SDK1: variants seen among roughly 807,000 people sequenced by gnomAD.
The protein encoded by SDK1 is protein sidekick-1.
A neutral mutation model predicts 245.5 loss-of-function variants in SDK1; 157 were observed. The ratio of observed to expected loss-of-function variants is 0.64; its 90% confidence interval spans 0.56 to 0.73. The LOEUF (loss-of-function observed/expected upper bound fraction) is 0.73. Among genes scored for constraint, SDK1 ranks in the 30% least tolerant of loss-of-function variants. SDK1 has a pLI of 0.00. For missense variants in SDK1, 3,583 were observed against 3,002.3 expected (o/e 1.19, Z -4.52); for synonymous variants, 1,647 against 1,278.5 (o/e 1.29, Z -6.15).
At chr7:3,885,004 C>G (rs930602301) in intron 5 of SDK1, among the ~76,000 whole-genome samples, 4 of 152,132 alleles carry the variant, frequency 2.6e-5, no homozygotes, top group African/African-American at 9.7e-5. Context: ...TCCTTTCACC[C>G]TTGACCTCCT....
Position 4,110,642 on chromosome 7 carries a change from TCA to T in SDK1, c.3325-20_3325-19del. ...GTCCCTAAGGCATGTCCAGCCCATC[TCA>T]GTGTCTCCCTCTGCACAGGTGGGAG... is the stretch of plus-strand genomic sequence containing the variant. On this transcript the variant is annotated intron_variant, in intron 22 of 44. Transcript: ENST00000404826. 1 of 1,548,654 alleles carries T rather than the reference TCA, an allele frequency of 6.5e-7. No homozygotes were observed. Among genetic ancestry groups the T allele is most frequent in the Non-Finnish European group, 8.9e-7 (1 of 1,121,372 alleles).
chr7:4,234,381 T>C (rs994011168), intron 41 of SDK1, among the ~76,000 whole-genome samples: 2 of 151,528 alleles, frequency 1.3e-5, no homozygotes, highest in African/African-American at 4.9e-5. Flanking sequence ...AGAGCACCCG[T>C]GTTAGATGAC....
At chr7:3,478,727 A>G (rs1017032388) in intron 1 of SDK1, among the ~76,000 whole-genome samples, 2 of 151,746 alleles carry the variant, frequency 1.3e-5, no homozygotes, top group South Asian at 4.2e-4. Flanking sequence ...ATTCTACCTG[A>G]TTCATGTTTA....
chr7:3,659,250 T>C lies in SDK1; in HGVS notation c.713+17145T>C, dbSNP rs138838312. ...CTTCTTTCCTTGAATGTATGCTTCC[T>C]GAATGTCAGCTGCCCTGGTCGGTAC... On this transcript the variant is annotated intron_variant, in intron 4 of 44. Transcript: ENST00000404826. Among the ~76,000 whole-genome samples the C allele has an allele frequency of 7.1e-3, 1,079 of 152,296 alleles. 14 individuals carry two copies. Among genetic ancestry groups the C allele is most frequent in the African/African-American group, 0.024 (1,006 of 41,552 alleles).
chr7:3,493,195 C>T (rs1781916633), intron 1 of SDK1, among the ~76,000 whole-genome samples: 1 of 152,136 alleles, frequency 6.6e-6, no homozygotes, highest in East Asian at 1.9e-4. Context: ...TCATAATCCT[C>T]ACACCTCGGC....
intron 16 of SDK1, among the ~76,000 whole-genome samples, chr7:4,013,283 G>A (rs7791273): frequency 0.02 from 3,077 of 152,318 alleles, 116 homozygotes; most frequent in African/African-American, 0.068. Flanking sequence ...TGCACTGAAC[G>A]CGATCATTGC....
At chr7:4,233,679 C>T (rs539932740) in intron 41 of SDK1, among the ~76,000 whole-genome samples, 15 of 152,274 alleles carry the variant, frequency 9.9e-5, no homozygotes, top group Admixed American at 7.2e-4. Context: ...ACATCTGCTG[C>T]TGTAGGTGTC....
intron 1 of SDK1, among the ~76,000 whole-genome samples, chr7:3,554,577 T>C (rs1779522505): frequency 6.6e-6 from 1 of 152,008 alleles, no homozygotes; most frequent in African/African-American, 2.4e-5. Flanking sequence ...ACAGAAAAAA[T>C]CATCTTCATA....
chr7:3,575,713 C>G (rs750858937), intron 1 of SDK1, among the ~76,000 whole-genome samples: 2 of 152,112 alleles, frequency 1.3e-5, no homozygotes, highest in Non-Finnish European at 2.9e-5. Flanking sequence ...AAAGAGCATT[C>G]AAACTCTTCA....
intron 4 of SDK1, among the ~76,000 whole-genome samples, chr7:3,758,696 A>G (rs1194525758): frequency 3.9e-5 from 6 of 152,116 alleles, no homozygotes; most frequent in South Asian, 4.2e-4. Context: ...ACCCGCCCAG[A>G]GTCAGCCATT....
intron 5 of SDK1, among the ~76,000 whole-genome samples, chr7:3,839,790 TATG>T (rs547832722): frequency 2.8e-4 from 42 of 152,318 alleles, no homozygotes; most frequent in African/African-American, 9.6e-4. Flanking sequence ...GAATAGCAAT[TATG>T]ATGGATAATC....
intron 4 of SDK1, among the ~76,000 whole-genome samples, chr7:3,744,218 T>G (rs1779552524): frequency 6.6e-6 from 1 of 152,072 alleles, no homozygotes; most frequent in Admixed American, 6.6e-5. Flanking sequence ...AAAGGTCCTC[T>G]TCATCCAAAA....
intron 4 of SDK1, among the ~76,000 whole-genome samples, chr7:3,795,776 A>G (rs1377195245): frequency 1.3e-5 from 2 of 152,210 alleles, no homozygotes; most frequent in African/African-American, 4.8e-5. Flanking sequence ...CAGTTATACG[A>G]TAAAGTCACA....
chr7:3,564,248 T>C (rs1214098434), intron 1 of SDK1, among the ~76,000 whole-genome samples: 1 of 151,858 alleles, frequency 6.6e-6, no homozygotes, highest in Non-Finnish European at 1.5e-5. Flanking sequence ...ACACCTGACA[T>C]GATAGAGAAG....
chr7:4,082,380 C>G (rs1187284635), intron 22 of SDK1, among the ~76,000 whole-genome samples: 1 of 151,822 alleles, frequency 6.6e-6, no homozygotes, highest in South Asian at 2.1e-4. Context: ...ACTAAAAATA[C>G]AAAAATTAGC....
chr7:3,591,662 T>G (rs1359594340), intron 1 of SDK1, among the ~76,000 whole-genome samples: 1 of 152,226 alleles, frequency 6.6e-6, no homozygotes, highest in African/African-American at 2.4e-5. Flanking sequence ...GGGTGGGAAG[T>G]GTTAATGATC....
At chr7:3,756,346 T>G (rs1042398719) in intron 4 of SDK1, among the ~76,000 whole-genome samples, 4 of 151,696 alleles carry the variant, frequency 2.6e-5, no homozygotes, top group African/African-American at 9.7e-5. Flanking sequence ...ATGCATACCA[T>G]TGATGTTTTG....
chr7:3,721,784 G>C (rs527815821), intron 4 of SDK1, among the ~76,000 whole-genome samples: 5 of 152,274 alleles, frequency 3.3e-5, no homozygotes, highest in African/African-American at 7.2e-5. Flanking sequence ...AGAGCTGAGA[G>C]CTTGTAGGAA....
At chr7:3,755,540 A>T (rs548636490) in intron 4 of SDK1, among the ~76,000 whole-genome samples, 1 of 152,216 alleles carries the variant, frequency 6.6e-6, no homozygotes, top group East Asian at 1.9e-4. Context: ...AGAATACTTA[A>T]TTTTTTTAAT....
Sources: allele counts gnomAD v4.1 joint callset (sites outside exome capture counted in the v4.1 genomes callset), GRCh38; gene constraint gnomAD v4.1.1; transcripts MANE v1.5; gene names NCBI Gene and HGNC (gene_info 2026-07-23, HGNC 2026-07-21).